ENAM: variants seen among roughly 807,000 people sequenced by gnomAD.
ENAM encodes enamelin, also known as amelogenesis imperfecta 2, hypocalcification (autosomal dominant).
In ENAM, 21 loss-of-function variants were observed where a neutral mutation model predicts 33.6. That is an observed-to-expected ratio of 0.63 (90% CI 0.44 to 0.90). The LOEUF (loss-of-function observed/expected upper bound fraction) is 0.90. Among genes scored for constraint, ENAM ranks in the 40% least tolerant of loss-of-function variants. The pLI is 0.00. For missense variants in ENAM, 1,388 were observed against 1,366.9 expected (o/e 1.02, Z -0.24); for synonymous variants, 473 against 468.4 (o/e 1.01, Z -0.13).
intron 2 of ENAM, among the ~76,000 whole-genome samples, chr4:70,631,428 G>GTC (rs554635180): frequency 6.6e-5 from 10 of 151,040 alleles, no homozygotes; most frequent in South Asian, 2.1e-4. Context: ...CTCTTTCCCT[G>GTC]TCTCTCTCTC....
At chr4:70,631,648 A>T in intron 2 of ENAM, 22 bp from the exon 3 acceptor site, 3 of 1,574,408 alleles carry the variant, frequency 1.9e-6, no homozygotes, top group Non-Finnish European at 2.6e-6. Flanking sequence ...GACCAAAAAT[A>T]AAAATCAATT....
chr4:70,631,276 T>C (rs555554414), intron 2 of ENAM, among the ~76,000 whole-genome samples: 121 of 152,184 alleles, frequency 8.0e-4, no homozygotes, highest in Non-Finnish European at 1.5e-3. Context: ...TATTTCTTTA[T>C]AAATCAACTA....
rs1446730438 is a variant in ENAM, at chr4:70,644,635, C to A, written c.3209C>A (p.Thr1070Asn). The change falls in exon 9 of 9, where the codon ACC becomes AAC. Residue 1070 changes from threonine to asparagine, a missense_variant. By Grantham distance (65) the Thr-to-Asn change is moderately conservative. Transcript: ENST00000396073. ...TTAGCAAAGCATCACTCTTCCACCA[C>A]CGGAACTCCATCTAGCGATGGAAGG... ...SKLAKHHSST[T>N]GTPSSDGRQS... 6.2e-7 allele frequency: 1 copy of A among 1,613,976 alleles called. No homozygotes were observed. Among genetic ancestry groups the A allele is most frequent in the South Asian group, 1.1e-5 (1 of 90,998 alleles).
Position 70,644,329 on chromosome 4 carries a change from A to T in ENAM, c.2903A>T (p.Glu968Val). 6.2e-7 allele frequency: 1 copy of T among 1,614,210 alleles called. No homozygotes were observed. The highest frequency in any genetic ancestry group is 8.5e-7 in the Non-Finnish European group (1 of 1,180,028). Reference protein sequence around the residue: ...CSIKNQLGQKEIMPFPEASSL... With the variant: ...CSIKNQLGQKVIMPFPEASSL... ...ATAAAGAATCAACTGGGCCAAAAGG[A>T]AATTATGCCCTTTCCTGAAGCCAGT... Residue 968 changes from glutamate (E) to valine (V), a missense_variant, in exon 9 of 9, where the codon GAA becomes GTA. Coordinates refer to ENST00000396073, the MANE Select transcript of ENAM (RefSeq NM_031889.3).
chr4:70,634,260 T>A, intron 5 of ENAM, 48 bp from the exon 6 acceptor site: 1 of 1,593,740 alleles, frequency 6.3e-7, no homozygotes, highest in Middle Eastern at 1.7e-4. Context: ...GGAGACAGCC[T>A]GAATCACAGC....
intron 4 of ENAM, 135 bp downstream of exon 4, chr4:70,632,028 T>C: frequency 1.2e-6 from 1 of 844,274 alleles, no homozygotes; most frequent in East Asian, 2.5e-5. Flanking sequence ...GATTTGAAAG[T>C]CTTAAACTCT....
At chr4:70,630,596 A>G (rs1010796568) in intron 2 of ENAM, among the ~76,000 whole-genome samples, 2 of 152,220 alleles carry the variant, frequency 1.3e-5, no homozygotes, top group Non-Finnish European at 2.9e-5. Flanking sequence ...CTAGAGTGGG[A>G]TAAATGAATG....
chr4:70,631,763 C>T, intron 3 of ENAM, 25 bp downstream of exon 3: 1 of 1,609,744 alleles, frequency 6.2e-7, no homozygotes, highest in Non-Finnish European at 8.5e-7. Flanking sequence ...AATGTTAGCT[C>T]TTCTCTTTGT....
chr4:70,636,056 A>T (rs1207968872), intron 7 of ENAM, among the ~76,000 whole-genome samples, 162 bp downstream of exon 7: 1 of 144,366 alleles, frequency 6.9e-6, no homozygotes, highest in Non-Finnish European at 1.5e-5. Context: ...AAAAAGAATA[A>T]TTTTTTGAAT....
chr4:70,641,861 C>T (rs1025080826), intron 8 of ENAM, among the ~76,000 whole-genome samples, 154 bp from the exon 9 acceptor site: 2 of 151,890 alleles, frequency 1.3e-5, no homozygotes, highest in South Asian at 4.2e-4. Context: ...TCATGGAAAC[C>T]AAGGAAGAAT....
At position 70,644,428 on chromosome 4, in the gene ENAM, T is replaced by G. The variant is rs1738701139; in HGVS notation, c.3002T>G (p.Val1001Gly). 6.2e-7 allele frequency: 1 copy of G among 1,613,964 alleles called. No homozygotes were observed. The highest frequency in any genetic ancestry group is 1.3e-5 in the African/African-American group (1 of 74,884). The change falls in exon 9 of 9, where the codon GTT (valine) becomes GGT (glycine). Residue 1001 changes from valine to glycine, a missense_variant. By Grantham distance (109) the Val-to-Gly change is moderately radical. Coordinates refer to ENST00000396073, the MANE Select transcript of ENAM (RefSeq NM_031889.3). ...GATGGGAACAACATTCTGGAACAAG[T>G]TTTTGAAGACAACCAGCTCAATGAA... ...GGDGNNILEQ[V>G]FEDNQLNERT... is the part of the protein sequence containing the mutation.
At position 70,643,990 on chromosome 4, in the gene ENAM, G is replaced by C. The variant is rs1408936226; in HGVS notation, c.2564G>C (p.Ser855Thr). The change falls in exon 9 of 9, where the codon AGT (serine) becomes ACT (threonine). Residue 855 changes from serine (S) to threonine (T), a missense_variant. Ser to Thr is a moderately conservative substitution (Grantham distance 58). Coordinates refer to ENST00000396073, the MANE Select transcript of ENAM (RefSeq NM_031889.3). ...TCTTTCCCTAACTTCATCCCACCAA[G>C]TTACCCATCAGGTCAAAAAGAAGCA... ...HSSFPNFIPP[S>T]YPSGQKEAHL... 28 of 1,614,142 alleles carry C rather than the reference G, an allele frequency of 1.7e-5. No individual in the cohort carries two copies. The highest frequency in any genetic ancestry group is 2.4e-5 in the Non-Finnish European group (28 of 1,180,008).
chr4:70,643,240 C>A lies in ENAM; in HGVS notation c.1814C>A (p.Pro605Gln), dbSNP rs761746066. The A allele has an allele frequency of 6.2e-7, 1 of 1,613,860 alleles. No homozygotes were observed. The highest frequency in any genetic ancestry group is 8.5e-7 in the Non-Finnish European group (1 of 1,179,986). Residue 605 changes from proline (P) to glutamine (Q), a missense_variant, in exon 9 of 9, where the codon CCA becomes CAA. Pro to Gln is a moderately conservative substitution (Grantham distance 76). Coordinates refer to ENST00000396073, the MANE Select transcript of ENAM (RefSeq NM_031889.3). ...RGSVFYPEYN[P>Q]YDPRENSPYL... ...AGTGTTTTCTACCCTGAATATAACC[C>A]ATATGATCCCAGGGAAAACTCACCA... is the stretch of plus-strand genomic sequence containing the variant.
Position 70,643,249 on chromosome 4 carries a change from C to A in ENAM, c.1823C>A (p.Pro608His). The A allele has an allele frequency of 6.2e-7, 1 of 1,613,812 alleles. No individual in the cohort carries two copies. The highest frequency in any genetic ancestry group is 8.5e-7 in the Non-Finnish European group (1 of 1,179,950). Residue 608 changes from proline to histidine, a missense_variant, in exon 9 of 9, where the codon CCC (proline) becomes CAC (histidine). Coordinates refer to ENST00000396073, the MANE Select transcript of ENAM (RefSeq NM_031889.3). The part of the protein sequence containing the change: ...VFYPEYNPYD[P>H]RENSPYLRGN... ...TACCCTGAATATAACCCATATGATC[C>A]CAGGGAAAACTCACCATACCTTAGA...
rs1231027438 is a variant in ENAM, at chr4:70,643,727, C to G, written c.2301C>G (p.Asp767Glu). ...TATTTCCTTCACGGAATTCCTGGGA[C>G]CACAGGATACAAGCCCAAGGGCAGA... is the stretch of plus-strand genomic sequence containing the variant. ...STLFPSRNSW[D>E]HRIQAQGQRE... Residue 767 changes from aspartate to glutamate, a missense_variant, in exon 9 of 9, where the codon GAC (aspartate) becomes GAG (glutamate). Physicochemically the swap from Asp to Glu is conservative, Grantham distance 45. Transcript: ENST00000396073. 6.2e-7 allele frequency: 1 copy of G among 1,614,002 alleles called. No individual in the cohort carries two copies. Among genetic ancestry groups the G allele is most frequent in the African/African-American group, 1.3e-5 (1 of 74,890 alleles).
chr4:70,646,771 A>T lies in ENAM; in HGVS notation c.*1916A>T, dbSNP rs1455351461. 1 of 152,212 alleles carries T rather than the reference A, an allele frequency of 6.6e-6. No individual in the cohort carries two copies. The highest frequency in any genetic ancestry group is 2.4e-5 in the African/African-American group (1 of 41,462). The allele number at this position is 152,212 out of a possible 1,614,324, so 9.4% of individuals were successfully genotyped here. A position where few individuals can be genotyped will look rare whatever the true frequency, so the allele number is the denominator to read the frequency against. On this transcript the variant is annotated 3_prime_UTR_variant, in exon 9 of 9. Transcript: ENST00000396073. ...AAAAATTCATTAACTTATTCTGTAT[A>T]AAACTGTCTTTTAAGAATTATCCTT...
In ENAM at chr4:70,635,854, G is replaced by A; in HGVS notation, c.494G>A (p.Gly165Glu). 1 of 1,608,428 alleles carries A rather than the reference G, an allele frequency of 6.2e-7. No homozygotes were observed. Among genetic ancestry groups the A allele is most frequent in the Admixed American group, 1.7e-5 (1 of 59,936 alleles). ...PPQAFPPFGN[G>E]LFPYQQPPWQ... ...TAGGCATTCCCACCATTTGGAAATGGGCTATTCCCCTATCAACAACCACCA... is the reference window on the plus strand; with the variant it reads ...TAGGCATTCCCACCATTTGGAAATGAGCTATTCCCCTATCAACAACCACCA... The change falls in exon 7 of 9, where the codon GGG (glycine) becomes GAG (glutamate). Residue 165 changes from glycine (G) to glutamate (E), a missense_variant. By Grantham distance (98) the Gly-to-Glu change is moderately conservative (BLOSUM62 -2). Transcript: ENST00000396073.
chr4:70,646,076 C>A lies in ENAM; in HGVS notation c.*1221C>A, dbSNP rs575750373. 1.4e-5 allele frequency: 2 copies of A among 146,162 alleles called. No individual in the cohort carries two copies. Among genetic ancestry groups the A allele is most frequent in the African/African-American group, 5.0e-5 (2 of 39,620 alleles). The allele number at this position is 146,162 out of a possible 1,614,324, so 9.1% of individuals were successfully genotyped here. ...GTTTAGTTGTTTTTTTTTTTTTTTA[C>A]TAGTTCAGCATAAGGGATTCTACCA... On this transcript the variant is annotated 3_prime_UTR_variant, in exon 9 of 9. Coordinates refer to ENST00000396073, the MANE Select transcript of ENAM (RefSeq NM_031889.3).
In ENAM at chr4:70,644,105, T is replaced by C; in HGVS notation, c.2679T>C (p.Thr893=). The C allele has an allele frequency of 3.1e-6, 5 of 1,614,010 alleles. No homozygotes were observed. The highest frequency in any genetic ancestry group is 4.2e-6 in the Non-Finnish European group (5 of 1,179,998). Residue 893 remains threonine (T), a synonymous_variant, in exon 9 of 9, where the codon ACT becomes ACC. Transcript: ENST00000396073. ...ATCCACTAGCTCTACAAGACTACAC[T>C]CCATCCTATGGTCTTGCACCTGGGG... is the stretch of plus-strand genomic sequence containing the variant. ...KDNPLALQDY[T]PSYGLAPGEN...
Sources: allele counts gnomAD v4.1 joint callset (sites outside exome capture counted in the v4.1 genomes callset), GRCh38; gene constraint gnomAD v4.1.1; transcripts MANE v1.5; gene names NCBI Gene and HGNC (gene_info 2026-07-23, HGNC 2026-07-21).